The following CUL5 variants were observed in gnomAD, a reference collection of about 807,000 sequenced individuals.
The protein encoded by CUL5 is cullin-5.
CUL5 carries 26 observed loss-of-function variants against 108.8 expected under a neutral mutation model. That is an observed-to-expected ratio of 0.24 (90% CI 0.18 to 0.33). The LOEUF is 0.33. Among genes scored for constraint, CUL5 ranks in the 10% least tolerant of loss-of-function variants. CUL5 has a pLI of 1.00. For synonymous variants in CUL5, 334 were observed against 298.0 expected, an observed-to-expected ratio of 1.12 and a Z score of -1.25; for missense variants, 524 against 909.2, an observed-to-expected ratio of 0.58 and a Z score of 5.45.
At chr11:108,023,077 C>T (rs1248263023) in intron 1 of CUL5, among the ~76,000 whole-genome samples, 1 of 152,068 alleles carries the variant, frequency 6.6e-6, no homozygotes, top group Non-Finnish European at 1.5e-5. Context: ...GGTGAAACCC[C>T]ACCTCTACTA....
chr11:108,010,800 C>T (rs1309778928), intron 1 of CUL5, among the ~76,000 whole-genome samples: 1 of 152,108 alleles, frequency 6.6e-6, no homozygotes, highest in Non-Finnish European at 1.5e-5. Flanking sequence ...TGCTTTACTT[C>T]AGAAAGAAAA....
intron 13 of CUL5, among the ~76,000 whole-genome samples, chr11:108,091,078 G>T (rs1341005567): frequency 6.6e-6 from 1 of 151,498 alleles, no homozygotes; most frequent in Non-Finnish European, 1.5e-5. Flanking sequence ...TGGAGATGTA[G>T]TCTTGCTGTG....
At chr11:108,026,988 CAAAA>C (rs34941469) in intron 1 of CUL5, among the ~76,000 whole-genome samples, 11 of 97,162 alleles carry the variant, frequency 1.1e-4, no homozygotes, top group Admixed American at 1.2e-4. Flanking sequence ...GACTCCGTCT[CAAAA>C]AAAAAAAAAA....
intron 2 of CUL5, among the ~76,000 whole-genome samples, chr11:108,042,663 C>T (rs897572731): frequency 3.9e-5 from 6 of 152,104 alleles, no homozygotes; most frequent in Non-Finnish European, 8.8e-5. Flanking sequence ...TCCTCTCTAC[C>T]TCTCACTCAC....
chr11:108,015,221 G>A (rs1862151482), intron 1 of CUL5, among the ~76,000 whole-genome samples: 1 of 152,106 alleles, frequency 6.6e-6, no homozygotes, highest in African/African-American at 2.4e-5. Context: ...GATAGTGAGG[G>A]AATGCCTCTG....
Position 108,033,797 on chromosome 11 carries a change from T to C in CUL5, c.25-5T>C, listed in dbSNP as rs745318558. On this transcript the variant is annotated splice_region_variant and splice_polypyrimidine_tract_variant and intron_variant, in intron 1 of 18. Coordinates refer to ENST00000393094, the MANE Select transcript of CUL5 (RefSeq NM_003478.6). ...AAACTCCCTTTTATCTTTTTTTTTT[T>C]CAAGAATAAAGGTTCTCTTCAGTTT... is the stretch of plus-strand genomic sequence containing the variant. The C allele has an allele frequency of 5.8e-6, 9 of 1,541,480 alleles. No individual in the cohort carries two copies. Among genetic ancestry groups the C allele is most frequent in the South Asian group, 2.4e-5 (2 of 84,118 alleles).
intron 7 of CUL5, among the ~76,000 whole-genome samples, chr11:108,056,358 G>A (rs1863377881): frequency 6.6e-6 from 1 of 151,646 alleles, no homozygotes; most frequent in Non-Finnish European, 1.5e-5. Flanking sequence ...TTTTACTTTT[G>A]ACTTTTCTTT....
intron 7 of CUL5, among the ~76,000 whole-genome samples, chr11:108,065,034 A>AT (rs901213025): frequency 8.4e-4 from 126 of 150,868 alleles, no homozygotes; most frequent in African/African-American, 2.4e-3. Context: ...TAATTAATTA[A>AT]TTTTTTTTTG....
chr11:108,025,991 A>G (rs1862443728), intron 1 of CUL5, among the ~76,000 whole-genome samples: 3 of 152,032 alleles, frequency 2.0e-5, no homozygotes, highest in African/African-American at 4.8e-5. Context: ...TTGGTTTTCT[A>G]GTTTGTTTAG....
chr11:108,099,831 A>G (rs1448662975), intron 18 of CUL5, among the ~76,000 whole-genome samples: 1 of 151,688 alleles, frequency 6.6e-6, no homozygotes, highest in Non-Finnish European at 1.5e-5. Context: ...ATGTACTTTT[A>G]TGTCTGACTT....
At chr11:108,081,636 C>T (rs1006145908) in intron 11 of CUL5, among the ~76,000 whole-genome samples, 3 of 152,058 alleles carry the variant, frequency 2.0e-5, no homozygotes, top group East Asian at 1.9e-4. Flanking sequence ...CCTGTAGTCC[C>T]AGCTACTCGG....
At chr11:108,016,488 A>G (rs1862194586) in intron 1 of CUL5, among the ~76,000 whole-genome samples, 1 of 151,978 alleles carries the variant, frequency 6.6e-6, no homozygotes, top group South Asian at 2.1e-4. Context: ...TCCTGGGCTC[A>G]AGCAATCTGC....
chr11:108,046,317 T>G lies in CUL5; in HGVS notation c.182T>G (p.Ile61Ser). 6.2e-7 allele frequency: 1 copy of G among 1,613,186 alleles called. No homozygotes were observed. Among genetic ancestry groups the G allele is most frequent in the East Asian group, 2.2e-5 (1 of 44,778 alleles). ...CLWDDKGPAK[I>S]HQALKEDILE... Reference sequence around the variant, plus strand: ...TGGGATGATAAAGGCCCAGCAAAAATTCATCAGGCTTTAAAAGAAGATATT... The same window carrying G: ...TGGGATGATAAAGGCCCAGCAAAAAGTCATCAGGCTTTAAAAGAAGATATT... Residue 61 changes from isoleucine to serine, a missense_variant, in exon 3 of 19, where the codon ATT (isoleucine) becomes AGT (serine). Transcript: ENST00000393094.
chr11:108,094,799 T>C lies in CUL5; in HGVS notation c.1568-13T>C, dbSNP rs576106390. 29 of 1,546,274 alleles carry C rather than the reference T, an allele frequency of 1.9e-5. No homozygotes were observed. The South Asian group carries it at 2.6e-4, about 14-fold the overall frequency. On this transcript the variant is annotated splice_polypyrimidine_tract_variant and intron_variant, in intron 14 of 18. Transcript: ENST00000393094. ...GTTAATTTACTTTATATTCCTGATA[T>C]TCTTCTCTATAGCTGATTCAGTTAA...
In CUL5 at chr11:108,054,694, A is replaced by G. The variant is rs1276805404; in HGVS notation, c.601A>G (p.Asn201Asp). 1.2e-6 allele frequency: 2 copies of G among 1,608,016 alleles called. No individual in the cohort carries two copies. Among genetic ancestry groups the G allele is most frequent in the African/African-American group, 1.3e-5 (1 of 74,802 alleles). The change falls in exon 6 of 19, where the codon AAT (asparagine) becomes GAT (aspartate). Residue 201 changes from asparagine to aspartate, a missense_variant. Coordinates refer to ENST00000393094, the MANE Select transcript of CUL5 (RefSeq NM_003478.6). ...PEDKLQIYRD[N>D]FEKAYLDSTE... Reference sequence around the variant, plus strand: ...GGATAAACTTCAAATTTATAGGGACAATTTTGAGAAGGCATACTTGGATTC... The same window carrying G: ...GGATAAACTTCAAATTTATAGGGACGATTTTGAGAAGGCATACTTGGATTC...
intron 11 of CUL5, 34 bp from the exon 12 acceptor site, chr11:108,088,492 AT>A: frequency 1.3e-6 from 2 of 1,566,362 alleles, no homozygotes; most frequent in African/African-American, 1.4e-5. Context: ...AACATTAATC[AT>A]TTTTCCATCA....
Position 108,094,927 on chromosome 11 carries a change from C to A in CUL5, c.1683C>A (p.Phe561Leu). The change falls in exon 15 of 19, where the codon TTC becomes TTA. Residue 561 changes from phenylalanine to leucine, a missense_variant. Physicochemically the swap from Phe to Leu is conservative, Grantham distance 22. Transcript: ENST00000393094. ...ACTTGATACCGGAAGTAGAAGAATT[C>A]TACAAAAAAAATCATAGTGGTAGAA... ...LEDLIPEVEE[F>L]YKKNHSGRKL... is the part of the protein sequence containing the mutation. The A allele has an allele frequency of 6.2e-7, 1 of 1,612,740 alleles. No individual in the cohort carries two copies. The highest frequency in any genetic ancestry group is 8.5e-7 in the Non-Finnish European group (1 of 1,179,366).
chr11:108,035,307 A>G (rs554722974), intron 2 of CUL5, among the ~76,000 whole-genome samples: 10 of 152,312 alleles, frequency 6.6e-5, no homozygotes, highest in South Asian at 6.2e-4. Flanking sequence ...ACCAATCAGC[A>G]GCTTGATTTT....
intron 10 of CUL5, among the ~76,000 whole-genome samples, chr11:108,074,724 T>A (rs1277864423): frequency 6.6e-6 from 1 of 152,082 alleles, no homozygotes; most frequent in African/African-American, 2.4e-5. Flanking sequence ...GAGAATTGCT[T>A]GAACCCAGGA....
Sources: gnomAD v4.1 joint callset for allele counts (sites outside exome capture counted in the v4.1 genomes callset) on GRCh38, gnomAD v4.1.1 for gene constraint, MANE v1.5 for transcripts, NCBI Gene and HGNC (gene_info 2026-07-23, HGNC 2026-07-21) for gene names.